The following BRSK1 variants were observed in gnomAD, a reference collection of about 807,000 sequenced individuals.
The protein encoded by BRSK1 is serine/threonine-protein kinase BRSK1.
In BRSK1, 17 loss-of-function variants were observed where a neutral mutation model predicts 86.2. The observed-to-expected ratio is 0.20, with a 90% CI of 0.14 to 0.30. The LOEUF is 0.30. BRSK1 is among the 10% of genes least tolerant of loss of function. BRSK1 has a pLI of 1.00. For synonymous variants in BRSK1, 464 were observed against 440.1 expected, an observed-to-expected ratio of 1.05 and a Z score of -0.68; for missense variants, 719 against 1,071.9, an observed-to-expected ratio of 0.67 and a Z score of 4.60.
At position 55,310,888 on chromosome 19, in the gene BRSK1, A is replaced by G. The variant is rs35380409; in HGVS notation, c.2180-1023A>G. ...AGGCACCCTGGGGGGCTCAGCCACC[A>G]TCTCATAAAGGAGAATGGGGTGGGG... On this transcript the variant is annotated intron_variant, in intron 18 of 18. Coordinates refer to ENST00000309383, the MANE Select transcript of BRSK1 (RefSeq NM_032430.2). This position sits in a 1 kb window ranked among gnomAD's most constrained non-coding sequence, Gnocchi z 5.0. Among the ~76,000 whole-genome samples, 20,023 of 152,098 alleles carry G rather than the reference A, an allele frequency of 0.13. 1,686 individuals carry two copies. Among genetic ancestry groups the G allele is most frequent in the African/African-American group, 0.24 (9,749 of 41,480 alleles).
chr19:55,307,916 T>C (rs2088685289), intron 17 of BRSK1, among the ~76,000 whole-genome samples: 1 of 151,250 alleles, frequency 6.6e-6, no homozygotes. Flanking sequence ...ATCGCGCCAC[T>C]GCACTCCAGC....
At chr19:55,299,199 C>T (rs10402577) in intron 7 of BRSK1, among the ~76,000 whole-genome samples, 29,707 of 151,950 alleles carry the variant, frequency 0.2, 3,155 homozygotes, top group Middle Eastern at 0.28. Context: ...CAAACAAGGT[C>T]ATGTAATGAC....
At chr19:55,299,266 C>T (rs2088535004) in intron 7 of BRSK1, among the ~76,000 whole-genome samples, 1 of 152,146 alleles carries the variant, frequency 6.6e-6, no homozygotes, top group Non-Finnish European at 1.5e-5. Flanking sequence ...ATAGTTCCTC[C>T]AGTAGCCGTG....
Position 55,302,874 on chromosome 19 carries a change from C to G in BRSK1, c.1028+7C>G. 6.2e-7 allele frequency: 1 copy of G among 1,609,430 alleles called. No individual in the cohort carries two copies. The highest frequency in any genetic ancestry group is 2.2e-5 in the East Asian group (1 of 44,726). Reference sequence around the variant, plus strand: ...GCGAGCTGCGCAGTGAGGAGTAAGACCCCAAGACCCCTGCACCCGTGTACC... The same window carrying G: ...GCGAGCTGCGCAGTGAGGAGTAAGAGCCCAAGACCCCTGCACCCGTGTACC... On this transcript the variant is annotated splice_region_variant and intron_variant, in intron 10 of 18. Transcript: ENST00000309383. The surrounding 1 kb of genome is among the most constrained non-coding windows in gnomAD (Gnocchi z 6.3).
intron 4 of BRSK1, among the ~76,000 whole-genome samples, chr19:55,293,092 G>T (rs145961012): frequency 6.6e-6 from 1 of 152,234 alleles, no homozygotes; most frequent in African/African-American, 2.4e-5. Flanking sequence ...GGGCGCGGTG[G>T]CTCACCCCTG....
Position 55,302,648 on chromosome 19 carries a change from GC to G in BRSK1, c.858-48del, listed in dbSNP as rs753110336. The G allele has an allele frequency of 1.3e-6, 2 of 1,572,066 alleles. No individual in the cohort carries two copies. Among genetic ancestry groups the G allele is most frequent in the Middle Eastern group, 1.7e-4 (1 of 5,838 alleles). ...GATCATTGAGTCTAGAATGAAGAAT[GC>G]TGAATCTCAGAAGCCCGGTTCCCAA... is the stretch of plus-strand genomic sequence containing the variant. On this transcript the variant is annotated intron_variant, in intron 9 of 18. Transcript: ENST00000309383. The surrounding 1 kb of genome is among the most constrained non-coding windows in gnomAD (Gnocchi z 6.3).
intron 18 of BRSK1, among the ~76,000 whole-genome samples, chr19:55,311,634 G>A (rs1189216501): frequency 2.0e-5 from 3 of 152,192 alleles, no homozygotes; most frequent in Non-Finnish European, 4.4e-5. Context: ...AGTCAGGCCC[G>A]GCCCAGGCCC....
rs1276865900 is a variant in BRSK1, at chr19:55,284,147, G to A, written c.-296G>A. 8.7e-7 allele frequency: 1 copy of A among 1,152,898 alleles called. No homozygotes were observed. The highest frequency in any genetic ancestry group is 3.2e-5 in the East Asian group (1 of 31,124). 71.4% of individuals were successfully genotyped at this position (1,152,898 alleles called of 1,614,324 possible). A position where few individuals can be genotyped will look rare whatever the true frequency, so the allele number is the denominator to read the frequency against. ...GCCCGCACCTCAGACCCCCCCGGCG[G>A]GGGGAGGCGCAGGAAGCGGGGGGCC... On this transcript the variant is annotated 5_prime_UTR_variant, in exon 1 of 19. Transcript: ENST00000309383.
rs1478494624 is a variant in BRSK1, at chr19:55,302,212, G to A, written c.857+44G>A. On this transcript the variant is annotated intron_variant, in intron 9 of 18. Transcript: ENST00000309383. This position sits in a 1 kb window ranked among gnomAD's most constrained non-coding sequence, Gnocchi z 6.3. The stretch of plus-strand genomic sequence containing the variant: ...GACTCTTGGGTCCCTGGCGGAAATA[G>A]GGGAGGGGCCAAAGCAGTAGAAGCG... 4 of 1,611,738 alleles carry A rather than the reference G, an allele frequency of 2.5e-6. No individual in the cohort carries two copies. In the East Asian group the frequency reaches 8.9e-5, roughly 36 times the overall value.
chr19:55,294,767 G>A lies in BRSK1; in HGVS notation c.678+370G>A, dbSNP rs1260721192. On this transcript the variant is annotated intron_variant, in intron 7 of 18. Transcript: ENST00000309383. The surrounding 1 kb of genome is among the most constrained non-coding windows in gnomAD (Gnocchi z 4.9). ...TCCACCTGCCTCTGCCTCCCAAAGT[G>A]CTGGGATTCCAGGTGTGAGCCACTG... Among the ~76,000 whole-genome samples, 2 of 151,882 alleles carry A rather than the reference G, an allele frequency of 1.3e-5. No individual in the cohort carries two copies. Among genetic ancestry groups the A allele is most frequent in the African/African-American group, 4.8e-5 (2 of 41,322 alleles).
Position 55,306,449 on chromosome 19 carries a change from G to A in BRSK1, c.2088G>A (p.Ser696=), listed in dbSNP as rs140536678. 28 of 1,612,288 alleles carry A rather than the reference G, an allele frequency of 1.7e-5. No individual in the cohort carries two copies. Among genetic ancestry groups the A allele is most frequent in the Non-Finnish European group, 2.1e-5 (25 of 1,179,916 alleles). Reference sequence around the variant, plus strand: ...ACTCCGTCACCTTCACTCTCATCTCGGGTGAGTCTCTTGGCTAGGCTGCCT... The same window carrying A: ...ACTCCGTCACCTTCACTCTCATCTCAGGTGAGTCTCTTGGCTAGGCTGCCT... The part of the protein sequence containing the change: ...GIYSVTFTLI[S]GPSRRFKRVV... The change falls in exon 17 of 19, where the codon TCG becomes TCA. Residue 696 remains serine, a splice_region_variant and synonymous_variant. Coordinates refer to ENST00000309383, the MANE Select transcript of BRSK1 (RefSeq NM_032430.2). This position sits in a 1 kb window ranked among gnomAD's most constrained non-coding sequence, Gnocchi z 4.7.
chr19:55,286,971 G>A (rs201637981), intron 1 of BRSK1, 36 bp from the exon 2 acceptor site: 50 of 1,605,882 alleles, frequency 3.1e-5, no homozygotes, highest in African/African-American at 1.2e-4. Context: ...AAGGGGACCC[G>A]GCGGAACACC....
intron 4 of BRSK1, among the ~76,000 whole-genome samples, chr19:55,290,308 T>C (rs2088384852): frequency 6.7e-6 from 1 of 148,816 alleles, no homozygotes; most frequent in Non-Finnish European, 1.5e-5. Flanking sequence ...TTTGCCCATC[T>C]TTAATTCAGT....
At position 55,303,939 on chromosome 19, in the gene BRSK1, C is replaced by T. The variant is rs1385542635; in HGVS notation, c.1287-111C>T. ...GTGTCCTTGGGACAATTCACCTCCC[C>T]TCTCTGGGCCTCATTTCCTCACCTG... On this transcript the variant is annotated intron_variant, in intron 12 of 18. Coordinates refer to ENST00000309383, the MANE Select transcript of BRSK1 (RefSeq NM_032430.2). This position sits in a 1 kb window ranked among gnomAD's most constrained non-coding sequence, Gnocchi z 5.1. 1.3e-6 allele frequency: 2 copies of T among 1,502,284 alleles called. No homozygotes were observed. Among genetic ancestry groups the T allele is most frequent in the African/African-American group, 1.4e-5 (1 of 71,388 alleles). The allele number at this position is 1,502,284 out of a possible 1,614,324, so 93.1% of individuals were successfully genotyped here.
rs373361295 is a variant in BRSK1, at chr19:55,294,035, C to T, written c.477C>T (p.Pro159=). The change falls in exon 5 of 19, where the codon CCC becomes CCT. Residue 159 remains proline (P), a synonymous_variant. Transcript: ENST00000309383. The surrounding 1 kb of genome is among the most constrained non-coding windows in gnomAD (Gnocchi z 4.9). ...GTCTCAGCCACAGAGACCTAAAGCCCGAGAACCTGCTTTTGGATGAGAAAA... is the reference window on the plus strand; with the variant it reads ...GTCTCAGCCACAGAGACCTAAAGCCTGAGAACCTGCTTTTGGATGAGAAAA... The part of the protein sequence containing the change: ...SYSICHRDLK[P]ENLLLDEKNN... 29 of 1,613,318 alleles carry T rather than the reference C, an allele frequency of 1.8e-5. No homozygotes were observed. In the East Asian group the frequency reaches 2.2e-4, roughly 12 times the overall value.
chr19:55,301,889 A>G (rs578047167), intron 8 of BRSK1, among the ~76,000 whole-genome samples: 3 of 152,298 alleles, frequency 2.0e-5, no homozygotes, highest in African/African-American at 7.2e-5. Flanking sequence ...CGCAGGAGTA[A>G]GGAGGCGAAC....
intron 1 of BRSK1, among the ~76,000 whole-genome samples, chr19:55,286,334 G>A (rs543397638): frequency 6.6e-6 from 1 of 152,090 alleles, no homozygotes; most frequent in Admixed American, 6.5e-5. Flanking sequence ...TGGGGGCTCA[G>A]GTCCTGGAGT....
rs1364738617 is a variant in BRSK1, at chr19:55,306,546, G to A, written c.2089+96G>A. 4 of 1,434,168 alleles carry A rather than the reference G, an allele frequency of 2.8e-6. No individual in the cohort carries two copies. Among genetic ancestry groups the A allele is most frequent in the Non-Finnish European group, 3.8e-6 (4 of 1,042,798 alleles). 88.8% of individuals were successfully genotyped at this position (1,434,168 alleles called of 1,614,324 possible). ...GCCCAGGAGTGCAGCAGCAGGAGGA[G>A]GAAATGGTGTTCAGCTGGTGCCGAC... On this transcript the variant is annotated intron_variant, in intron 17 of 18. Transcript: ENST00000309383. The surrounding 1 kb of genome is among the most constrained non-coding windows in gnomAD (Gnocchi z 4.7).
chr19:55,284,527 CAATATGTGGG>C lies in BRSK1; in HGVS notation c.86_95del (p.Gln29ProfsTer34). 1 of 1,337,952 alleles carries C rather than the reference CAATATGTGGG, an allele frequency of 7.5e-7. No homozygotes were observed. The allele number at this position is 1,337,952 out of a possible 1,614,324, so 82.9% of individuals were successfully genotyped here. On this transcript the variant is annotated frameshift_variant, in exon 1 of 19. Transcript: ENST00000309383. LOFTEE classifies it high-confidence loss of function. The stretch of plus-strand genomic sequence containing the variant: ...CCACCCCCACCCACCCCAGCACGCC[CAATATGTGGG>C]CCCCTATCGGCTGGAGAAGACGCTG...
Sources: allele counts gnomAD v4.1 joint callset (sites outside exome capture counted in the v4.1 genomes callset), GRCh38; gene constraint gnomAD v4.1.1; non-coding constraint Gnocchi (gnomAD v3.1); transcripts MANE v1.5; gene names NCBI Gene and HGNC (gene_info 2026-07-23, HGNC 2026-07-21).